ADGRA2: variants seen among roughly 807,000 people sequenced by gnomAD.
ADGRA2 encodes adhesion G protein-coupled receptor A2, also known as G-protein coupled receptor 124.
ADGRA2 carries 61 observed loss-of-function variants against 98.7 expected under a neutral mutation model. The observed-to-expected ratio is 0.62, with a 90% CI of 0.50 to 0.76. The LOEUF (loss-of-function observed/expected upper bound fraction) is 0.76, where lower values mean the gene tolerates loss of function less well. Among genes scored for constraint, ADGRA2 ranks in the 30% least tolerant of loss-of-function variants. The pLI is 0.00. For missense variants in ADGRA2, 1,712 were observed against 1,860.0 expected (o/e 0.92, Z 1.46); for synonymous variants, 858 against 831.5 (o/e 1.03, Z -0.55).
intron 15 of ADGRA2, 64 bp downstream of exon 15, chr8:37,839,147 A>T (rs1265727244): frequency 9.5e-6 from 15 of 1,582,268 alleles, no homozygotes; most frequent in Non-Finnish European, 1.3e-5. Flanking sequence ...TACCCTGTCC[A>T]CTTCCCGTCC....
At chr8:37,821,641 G>A (rs1805128652) in intron 2 of ADGRA2, among the ~76,000 whole-genome samples, 1 of 152,212 alleles carries the variant, frequency 6.6e-6, no homozygotes, top group African/African-American at 2.4e-5. Flanking sequence ...CCAAGGGAGC[G>A]AGACTGCGTG....
rs779714762 is a variant in ADGRA2, at chr8:37,835,628, G to A, written c.1908G>A (p.Pro636=). The part of the protein sequence containing the change: ...FSSLPAALAP[P]VPPDCTLQLL... ...CCCTTCCGGCTGCCCTGGCTCCCCC[G>A]GTGCCCCCAGACTGCACCCTGCAAC... Residue 636 remains proline, a synonymous_variant, in exon 13 of 19, where the codon CCG becomes CCA. Transcript: ENST00000412232. The A allele has an allele frequency of 6.2e-6, 10 of 1,613,474 alleles. No individual in the cohort carries two copies. The East Asian group carries it at 1.3e-4, about 22-fold the overall frequency.
At chr8:37,819,076 G>C (rs7008681) in intron 2 of ADGRA2, among the ~76,000 whole-genome samples, 1 of 152,246 alleles carries the variant, frequency 6.6e-6, no homozygotes, top group East Asian at 1.9e-4. Flanking sequence ...GGCTACTGGG[G>C]TGGCCTTCGA....
rs1476432790 is a variant in ADGRA2 at position 37,830,660 on chromosome 8, C to T, written c.719-50C>T. 1 of 1,148,494 alleles carries T rather than the reference C, an allele frequency of 8.7e-7. No homozygotes were observed. Among genetic ancestry groups the T allele is most frequent in the South Asian group, 1.4e-5 (1 of 73,562 alleles). The allele number at this position is 1,148,494 out of a possible 1,614,324, so 71.1% of individuals were successfully genotyped here. ...GCTGGACTCTCGCTCACACGTGCAG[C>T]CTCACATGCGTGTGCACTCGGGCCT... On this transcript the variant is annotated intron_variant, in intron 6 of 18. Coordinates refer to ENST00000412232, the MANE Select transcript of ADGRA2 (RefSeq NM_032777.10). This position sits in a 1 kb window ranked among gnomAD's most constrained non-coding sequence, Gnocchi z 4.8.
intron 1 of ADGRA2, among the ~76,000 whole-genome samples, chr8:37,811,045 C>T (rs1245058542): frequency 3.0e-5 from 4 of 131,440 alleles, no homozygotes; most frequent in East Asian, 2.7e-4. Context: ...AGCCGGGAGG[C>T]GGAGCTTGCA....
In ADGRA2 at chr8:37,839,052, G is replaced by A. The variant is rs139221615; in HGVS notation, c.2356G>A (p.Ala786Thr). The A allele has an allele frequency of 9.0e-5, 145 of 1,608,864 alleles. No individual in the cohort carries two copies. The highest frequency in any genetic ancestry group is 1.2e-4 in the Non-Finnish European group (138 of 1,177,458). The change falls in exon 15 of 19, where the codon GCC (alanine) becomes ACC (threonine). Residue 786 changes from alanine (A) to threonine (T), a missense_variant. Ala to Thr is a moderately conservative substitution (Grantham distance 58, BLOSUM62 0). Coordinates refer to ENST00000412232, the MANE Select transcript of ADGRA2 (RefSeq NM_032777.10). ...CTALLLLCLFATIITYILNHS... is the reference protein window; with the variant it reads ...CTALLLLCLFTTIITYILNHS... ...GGCCTTGCTGCTGCTCTGCCTCTTC[G>A]CCACCATCATCACCTACATCCTCAA...
In ADGRA2 at chr8:37,797,307, G is replaced by T; in HGVS notation, c.39G>T (p.Ala13=). The T allele has an allele frequency of 7.6e-7, 1 of 1,315,448 alleles. No homozygotes were observed. Among genetic ancestry groups the T allele is most frequent in the Non-Finnish European group, 9.6e-7 (1 of 1,039,900 alleles). The allele number at this position is 1,315,448 out of a possible 1,614,324, so 81.5% of individuals were successfully genotyped here. A position where few individuals can be genotyped will look rare whatever the true frequency, so the allele number is the denominator to read the frequency against. Residue 13 remains alanine (A), a synonymous_variant, in exon 1 of 19, where the codon GCG becomes GCT. Coordinates refer to ENST00000412232, the MANE Select transcript of ADGRA2 (RefSeq NM_032777.10). The surrounding 1 kb of genome is among the most constrained non-coding windows in gnomAD (Gnocchi z 5.3). ...GACGCAGGATGCGGGGGGCGCCCGC[G>T]CGCCTGCTGCTGCCGCTGCTGCCGT... ...AGGRRMRGAP[A]RLLLPLLPWL...
At position 37,802,135 on chromosome 8, in the gene ADGRA2, T is replaced by C. The variant is rs1286925453; in HGVS notation, c.266+4601T>C. On this transcript the variant is annotated intron_variant, in intron 1 of 18. Transcript: ENST00000412232. The surrounding 1 kb of genome is among the most constrained non-coding windows in gnomAD (Gnocchi z 4.7). ...TAGGGGAAGTTGAGGAAGATGGGCC[T>C]CAGGGAAGTGGTTCTTGAGCACAGG... Among the ~76,000 whole-genome samples the C allele has an allele frequency of 1.3e-5, 2 of 152,200 alleles. No homozygotes were observed. The highest frequency in any genetic ancestry group is 2.9e-5 in the Non-Finnish European group (2 of 68,026).
At chr8:37,829,355 G>C (rs747555259) in intron 4 of ADGRA2, 23 bp downstream of exon 4, 13 of 1,602,808 alleles carry the variant, frequency 8.1e-6, no homozygotes, top group Non-Finnish European at 1.1e-5. Context: ...GTGAGAAGTG[G>C]GGAGGGGAGG....
chr8:37,839,691 G>C lies in ADGRA2; in HGVS notation c.2511+69G>C, dbSNP rs933991863. ...TGCTGGCACCTAGGCATAGAGTGGGGTGATGCGCTGGAAGAAAAAGGCTGG... is the reference window on the plus strand; with the variant it reads ...TGCTGGCACCTAGGCATAGAGTGGGCTGATGCGCTGGAAGAAAAAGGCTGG... On this transcript the variant is annotated intron_variant, in intron 16 of 18. Coordinates refer to ENST00000412232, the MANE Select transcript of ADGRA2 (RefSeq NM_032777.10). 6.4e-6 allele frequency: 10 copies of C among 1,563,364 alleles called. No individual in the cohort carries two copies. The African/African-American group carries it at 9.5e-5, about 15-fold the overall frequency.
At position 37,814,092 on chromosome 8, in the gene ADGRA2, G is replaced by A. The variant is rs35545278; in HGVS notation, c.267-804G>A. Among the ~76,000 whole-genome samples the A allele has an allele frequency of 0.063, 9,603 of 152,272 alleles. 408 individuals carry two copies. Among genetic ancestry groups the A allele is most frequent in the African/African-American group, 0.12 (4,979 of 41,532 alleles). On this transcript the variant is annotated intron_variant, in intron 1 of 18. Transcript: ENST00000412232. The surrounding 1 kb of genome is among the most constrained non-coding windows in gnomAD (Gnocchi z 4.3). ...GCTTTCTAATAAGCAATTAACTGGG[G>A]GATGAGCCCTTTGGCTGGCCTGGAT...
chr8:37,797,560 G>A lies in ADGRA2; in HGVS notation c.266+26G>A, dbSNP rs1804369079. ...GTGAGTACCCTACCAGGCCAGTTCC[G>A]TCCGAGCCGGGACTGGGGACGAAGG... On this transcript the variant is annotated intron_variant, in intron 1 of 18. Transcript: ENST00000412232. The surrounding 1 kb of genome is among the most constrained non-coding windows in gnomAD (Gnocchi z 5.3). 7.4e-7 allele frequency: 1 copy of A among 1,343,232 alleles called. No individual in the cohort carries two copies. The highest frequency in any genetic ancestry group is 9.6e-7 in the Non-Finnish European group (1 of 1,040,166). The allele number at this position is 1,343,232 out of a possible 1,614,324, so 83.2% of individuals were successfully genotyped here. A position where few individuals can be genotyped will look rare whatever the true frequency, so the allele number is the denominator to read the frequency against.
intron 1 of ADGRA2, among the ~76,000 whole-genome samples, chr8:37,805,562 G>A (rs956294223): frequency 2.6e-5 from 4 of 151,752 alleles, no homozygotes; most frequent in African/African-American, 9.7e-5. Flanking sequence ...ATAGAGATCC[G>A]TGTCTAAATT....
rs765744446 is a variant in ADGRA2 at position 37,838,929 on chromosome 8, C to T, written c.2260-27C>T. 4 of 1,546,322 alleles carry T rather than the reference C, an allele frequency of 2.6e-6. No individual in the cohort carries two copies. In the Admixed American group the frequency reaches 8.0e-5, roughly 31 times the overall value. ...GGCCTGGCGAGGTGTCCACATTCCT[C>T]ACGTCCTCCTTCCTGCCCTTTCCCA... is the stretch of plus-strand genomic sequence containing the variant. On this transcript the variant is annotated intron_variant, in intron 14 of 18. Transcript: ENST00000412232.
intron 1 of ADGRA2, among the ~76,000 whole-genome samples, chr8:37,799,864 C>T (rs1804448172): frequency 6.6e-6 from 1 of 152,180 alleles, no homozygotes; most frequent in Non-Finnish European, 1.5e-5. Flanking sequence ...TCCCCAGCCA[C>T]AGACTTACTG....
At chr8:37,799,737 A>G (rs1804443818) in intron 1 of ADGRA2, among the ~76,000 whole-genome samples, 1 of 152,062 alleles carries the variant, frequency 6.6e-6, no homozygotes, top group South Asian at 2.1e-4. Context: ...AGGATAGGAT[A>G]CCCTTTAAGG....
chr8:37,800,833 G>A (rs913034791), intron 1 of ADGRA2, among the ~76,000 whole-genome samples: 1 of 152,084 alleles, frequency 6.6e-6, no homozygotes, highest in African/African-American at 2.4e-5. Flanking sequence ...TTCCTGCCAC[G>A]AACATTTTCC....
In ADGRA2 at chr8:37,829,000, C is replaced by A; in HGVS notation, c.410+41C>A. On this transcript the variant is annotated intron_variant, in intron 3 of 18. Transcript: ENST00000412232. ...TCCCCTGACCCCACCCCTCCCCTCC[C>A]GAGGGAGAAAGTCACCCCTCCTGCT... is the stretch of plus-strand genomic sequence containing the variant. 4.2e-6 allele frequency: 6 copies of A among 1,415,220 alleles called. No homozygotes were observed. The highest frequency in any genetic ancestry group is 4.8e-6 in the Non-Finnish European group (5 of 1,047,186). 87.7% of individuals were successfully genotyped at this position (1,415,220 alleles called of 1,614,324 possible). A position where few individuals can be genotyped will look rare whatever the true frequency, so the allele number is the denominator to read the frequency against.
chr8:37,836,097 A>ACACACACACCCC (rs1245868623), intron 13 of ADGRA2, among the ~76,000 whole-genome samples: 5 of 108,742 alleles, frequency 4.6e-5, no homozygotes, highest in African/African-American at 1.8e-4. Context: ...ACACACACAC[A>ACACACACACCCC]CCCCACAGGC....
Sources: allele counts gnomAD v4.1 joint callset (sites outside exome capture counted in the v4.1 genomes callset), GRCh38; gene constraint gnomAD v4.1.1; non-coding constraint Gnocchi (gnomAD v3.1); transcripts MANE v1.5; gene names NCBI Gene and HGNC (gene_info 2026-07-23, HGNC 2026-07-21).